The following MTMR2 variants were observed in gnomAD, a reference collection of about 807,000 sequenced individuals.
The protein encoded by MTMR2 is phosphatidylinositol-3,5-bisphosphate 3-phosphatase MTMR2.
A neutral mutation model predicts 86.9 loss-of-function variants in MTMR2; 55 were observed. The ratio of observed to expected loss-of-function variants is 0.63; its 90% CI spans 0.51 to 0.79. The LOEUF is 0.79. Ranked by LOEUF, MTMR2 falls within the 30% of genes least tolerant of loss-of-function variation. The pLI is 0.00. For synonymous variants in MTMR2, 241 were observed against 266.8 expected (o/e 0.90, Z 0.94); for missense variants, 659 against 772.3 (o/e 0.85, Z 1.74).
At chr11:95,911,117 TAA>T (rs1295792788) in intron 1 of MTMR2, among the ~76,000 whole-genome samples, 1 of 152,136 alleles carries the variant, frequency 6.6e-6, no homozygotes, top group African/African-American at 2.4e-5. Context: ...TTGACAGAAA[TAA>T]GAGACAACAT....
intron 11 of MTMR2, 94 bp from the exon 12 acceptor site, chr11:95,841,803 A>G: frequency 1.9e-6 from 2 of 1,030,636 alleles, no homozygotes; most frequent in East Asian, 2.5e-5. Flanking sequence ...CAATAGTCTA[A>G]AAATTTTCAA....
At chr11:95,912,506 T>TG (rs1274561570) in intron 1 of MTMR2, among the ~76,000 whole-genome samples, 1 of 151,868 alleles carries the variant, frequency 6.6e-6, no homozygotes. Flanking sequence ...AAAAAGGCAT[T>TG]GCATCATTAA....
At chr11:95,850,532 C>T in intron 8 of MTMR2, 68 bp downstream of exon 8, 1 of 1,453,750 alleles carries the variant, frequency 6.9e-7, no homozygotes, top group Non-Finnish European at 9.6e-7. Flanking sequence ...CATTCTCCTA[C>T]TCATTAATCT....
intron 2 of MTMR2, among the ~76,000 whole-genome samples, chr11:95,886,745 A>T (rs1865525241): frequency 6.6e-6 from 1 of 152,176 alleles, no homozygotes. Context: ...CTTTTAACTA[A>T]ATAAATCTGA....
At chr11:95,915,603 G>C (rs1866668188) in intron 1 of MTMR2, among the ~76,000 whole-genome samples, 1 of 152,010 alleles carries the variant, frequency 6.6e-6, no homozygotes, top group East Asian at 1.9e-4. Flanking sequence ...ACTGAATATT[G>C]GCAAAAGCAT....
intron 5 of MTMR2, among the ~76,000 whole-genome samples, chr11:95,859,856 T>C (rs1314282228): frequency 2.6e-5 from 4 of 152,224 alleles, no homozygotes; most frequent in Admixed American, 2.6e-4. Context: ...ACTAGAATGC[T>C]GGCTTTACTA....
At chr11:95,909,146 C>G (rs2135601679) in intron 1 of MTMR2, among the ~76,000 whole-genome samples, 1 of 152,214 alleles carries the variant, frequency 6.6e-6, no homozygotes, top group South Asian at 2.1e-4. Context: ...CAATGATCCA[C>G]TCTTTTGGTC....
intron 1 of MTMR2, among the ~76,000 whole-genome samples, chr11:95,907,302 A>G (rs1866315909): frequency 6.6e-6 from 1 of 152,166 alleles, no homozygotes; most frequent in East Asian, 1.9e-4. Context: ...CAACCTTCCA[A>G]GACTGAACCA....
chr11:95,863,052 G>A (rs553354096), intron 3 of MTMR2, among the ~76,000 whole-genome samples: 7 of 152,246 alleles, frequency 4.6e-5, no homozygotes, highest in African/African-American at 9.6e-5. Flanking sequence ...TGCATTAACT[G>A]ATTATGCAGG....
intron 1 of MTMR2, among the ~76,000 whole-genome samples, chr11:95,919,783 A>T (rs943718240): frequency 2.0e-5 from 3 of 152,206 alleles, no homozygotes; most frequent in Non-Finnish European, 4.4e-5. Flanking sequence ...AATGGGAACA[A>T]CAAACAAGAC....
Position 95,841,593 on chromosome 11 carries a change from GAATAC to G in MTMR2, c.1479+19_1479+23del, listed in dbSNP as rs1302699810. 3.3e-6 allele frequency: 5 copies of G among 1,517,350 alleles called. No individual in the cohort carries two copies. The highest frequency in any genetic ancestry group is 4.6e-6 in the Non-Finnish European group (5 of 1,095,134). The allele number at this position is 1,517,350 out of a possible 1,614,324, so 94.0% of individuals were successfully genotyped here. On this transcript the variant is annotated intron_variant, in intron 12 of 14. Transcript: ENST00000346299. The stretch of plus-strand genomic sequence containing the variant: ...AGGAAAACTGAAAGGAGATGTGTAA[GAATAC>G]ATAGGCCAGATAAATTACCTGTCTT...
Position 95,850,583 on chromosome 11 carries a change from C to G in MTMR2, c.804+17G>C. The G allele has an allele frequency of 1.3e-6, 2 of 1,591,628 alleles. No individual in the cohort carries two copies. The highest frequency in any genetic ancestry group is 1.7e-6 in the Non-Finnish European group (2 of 1,162,602). ...TAAAAAAGCACTTGCAAAGGCTCAT[C>G]CAAACTTCCTACTTACTGGGATACG... is the stretch of plus-strand genomic sequence containing the variant. On this transcript the variant is annotated intron_variant, in intron 8 of 14. Transcript: ENST00000346299.
intron 3 of MTMR2, among the ~76,000 whole-genome samples, chr11:95,864,440 T>G (rs755286329): frequency 1.3e-5 from 2 of 152,120 alleles, no homozygotes; most frequent in Non-Finnish European, 2.9e-5. Flanking sequence ...GAAAAAGAAA[T>G]TGTCACAATG....
rs189276120 is a variant in MTMR2 at position 95,910,801 on chromosome 11, G to C, written c.80+13074C>G. On this transcript the variant is annotated intron_variant, in intron 1 of 14. Coordinates refer to ENST00000346299, the MANE Select transcript of MTMR2 (RefSeq NM_016156.6). The stretch of plus-strand genomic sequence containing the variant: ...AAGCTTTTCTAGGAACGCAAATTTT[G>C]CTCTCAATACTTAACACAATGCACT... Among the ~76,000 whole-genome samples, 534 of 151,950 alleles carry C rather than the reference G, an allele frequency of 3.5e-3. 9 individuals carry two copies. Among genetic ancestry groups the C allele is most frequent in the Admixed American group, 0.032 (485 of 15,264 alleles).
intron 2 of MTMR2, among the ~76,000 whole-genome samples, chr11:95,873,047 T>C (rs1288698720): frequency 6.6e-6 from 1 of 152,260 alleles, no homozygotes; most frequent in Non-Finnish European, 1.5e-5. Flanking sequence ...TTTGCATCAA[T>C]GTTCATCAGG....
intron 13 of MTMR2, among the ~76,000 whole-genome samples, chr11:95,836,796 T>C (rs1322366046): frequency 6.6e-5 from 10 of 151,986 alleles, no homozygotes; most frequent in Admixed American, 6.6e-4. Flanking sequence ...AATGATTCCA[T>C]TTATATGAAA....
chr11:95,865,643 C>G lies in MTMR2; in HGVS notation c.220G>C (p.Glu74Gln). The G allele has an allele frequency of 1.2e-6, 2 of 1,613,868 alleles. No homozygotes were observed. Among genetic ancestry groups the G allele is most frequent in the Non-Finnish European group, 1.7e-6 (2 of 1,179,810 alleles). ...TCTCCTGGAAGCAAGGGTGGTTCTT[C>G]CATTTCTGCTAACTTGTTAGACTCC... ...LRESNKLAEMEEPPLLPGENI... is the reference protein window; with the variant it reads ...LRESNKLAEMQEPPLLPGENI... The change falls in exon 3 of 15, where the codon GAA becomes CAA. Residue 74 changes from glutamate to glutamine, a missense_variant. Glu to Gln is a conservative substitution (Grantham distance 29). This residue lies in a region of MTMR2 where 387 missense variants were observed against 526.3 expected (regional missense o/e 0.74). Coordinates refer to ENST00000346299, the MANE Select transcript of MTMR2 (RefSeq NM_016156.6).
chr11:95,912,583 A>C (rs1866551738), intron 1 of MTMR2, among the ~76,000 whole-genome samples: 1 of 151,956 alleles, frequency 6.6e-6, no homozygotes, highest in Non-Finnish European at 1.5e-5. Context: ...ACTCATATAA[A>C]GTTACAAATC....
In MTMR2 at chr11:95,861,765, A is replaced by G. The variant is rs140892121; in HGVS notation, c.468+227T>C. ...AAAAATAAGTTATGAATTTGTGAAT[A>G]TATCAAAATATGTAGACTGAACTGG... is the stretch of plus-strand genomic sequence containing the variant. On this transcript the variant is annotated intron_variant, in intron 5 of 14. Coordinates refer to ENST00000346299, the MANE Select transcript of MTMR2 (RefSeq NM_016156.6). Among the ~76,000 whole-genome samples, 285 of 152,300 alleles carry G rather than the reference A, an allele frequency of 1.9e-3. 1 individual carries two copies. Among genetic ancestry groups the G allele is most frequent in the African/African-American group, 6.6e-3 (273 of 41,570 alleles).
Sources: gnomAD v4.1 joint callset for allele counts (sites outside exome capture counted in the v4.1 genomes callset) on GRCh38, gnomAD v4.1.1 for gene constraint, gnomAD v4.1.1 regional missense constraint, MANE v1.5 for transcripts, NCBI Gene and HGNC (gene_info 2026-07-23, HGNC 2026-07-21) for gene names.